Variants in THSD7B observed in about 807,000 individuals in gnomAD.
THSD7B encodes the protein thrombospondin type 1 domain containing 7B.
A neutral mutation model predicts 213.6 loss-of-function variants in THSD7B; 138 were observed. The observed-to-expected ratio is 0.65, with a 90% CI of 0.56 to 0.74. The LOEUF (loss-of-function observed/expected upper bound fraction) is 0.74, where lower values mean the gene tolerates loss of function less well. Ranked by LOEUF, THSD7B falls within the 30% of genes least tolerant of loss-of-function variation. The pLI is 0.00. For synonymous variants in THSD7B, 742 were observed against 687.0 expected (o/e 1.08, Z -1.25); for missense variants, 1,931 against 1,991.5 (o/e 0.97, Z 0.58).
At chr2:136,951,355 TA>T (rs1330882900) in intron 2 of THSD7B, among the ~76,000 whole-genome samples, 1 of 152,242 alleles carries the variant, frequency 6.6e-6, no homozygotes, top group Non-Finnish European at 1.5e-5. Context: ...AAATGTCCTG[TA>T]AATTTGCTTA....
At chr2:136,800,191 G>A (rs1049241773) in intron 1 of THSD7B, among the ~76,000 whole-genome samples, 3 of 151,924 alleles carry the variant, frequency 2.0e-5, no homozygotes, top group South Asian at 2.1e-4. Context: ...TACAGAGGAT[G>A]TACTTTAAAT....
chr2:137,660,439 TTCAAGTAC>T (rs1419503363), intron 25 of THSD7B, among the ~76,000 whole-genome samples: 2 of 152,180 alleles, frequency 1.3e-5, no homozygotes, highest in Non-Finnish European at 2.9e-5. Context: ...TTAAAAATAA[TTCAAGTAC>T]TCAGTCCTAT....
At chr2:137,069,794 A>G (rs1687446521) in intron 3 of THSD7B, among the ~76,000 whole-genome samples, 1 of 151,640 alleles carries the variant, frequency 6.6e-6, no homozygotes, top group Non-Finnish European at 1.5e-5. Context: ...TGTTCTTTGA[A>G]AGTAGTAGAA....
At chr2:137,497,664 A>C (rs1300153958) in intron 15 of THSD7B, among the ~76,000 whole-genome samples, 1 of 152,052 alleles carries the variant, frequency 6.6e-6, no homozygotes, top group African/African-American at 2.4e-5. Context: ...TTCCTCTCGC[A>C]TATGGATAAA....
chr2:137,268,482 T>C (rs922481283), intron 10 of THSD7B, among the ~76,000 whole-genome samples: 1 of 152,174 alleles, frequency 6.6e-6, no homozygotes, highest in Non-Finnish European at 1.5e-5. Flanking sequence ...CTTGATGATA[T>C]GCTCAACAAG....
At chr2:137,543,113 T>G (rs1477078647) in intron 15 of THSD7B, among the ~76,000 whole-genome samples, 2 of 151,800 alleles carry the variant, frequency 1.3e-5, no homozygotes, top group East Asian at 3.9e-4. Flanking sequence ...TGTGGCCAGA[T>G]TATTCTAATC....
At chr2:137,584,278 C>T (rs934989169) in intron 17 of THSD7B, among the ~76,000 whole-genome samples, 10 of 152,164 alleles carry the variant, frequency 6.6e-5, no homozygotes, top group African/African-American at 2.2e-4. Context: ...ATCATGTCAT[C>T]TGCAAACAGG....
At chr2:137,492,595 G>C (rs1679443978) in intron 15 of THSD7B, among the ~76,000 whole-genome samples, 1 of 152,148 alleles carries the variant, frequency 6.6e-6, no homozygotes, top group South Asian at 2.1e-4. Context: ...AAAAGAGCTT[G>C]AGCTTTAGAA....
At chr2:137,597,455 CA>C (rs139548698) in intron 17 of THSD7B, among the ~76,000 whole-genome samples, 5 of 136,976 alleles carry the variant, frequency 3.7e-5, no homozygotes, top group African/African-American at 1.1e-4. Context: ...AAAACAAAAC[CA>C]AAAAAAAACC....
intron 15 of THSD7B, among the ~76,000 whole-genome samples, chr2:137,556,222 C>T (rs1400163382): frequency 2.0e-5 from 3 of 152,182 alleles, no homozygotes; most frequent in Non-Finnish European, 4.4e-5. Flanking sequence ...AGAAGAGCAA[C>T]TCCCAGACAC....
At position 137,395,599 on chromosome 2, in the gene THSD7B, T is replaced by A. The variant is rs371084013; in HGVS notation, c.2501-10014T>A. ...ATTGAGGATTTTTGCATCAATGTTC[T>A]TCAAGGATATTGGTCTAAAATTCTC... On this transcript the variant is annotated intron_variant, in intron 12 of 27. Transcript: ENST00000409968. Among the ~76,000 whole-genome samples, 8 of 152,282 alleles carry A rather than the reference T, an allele frequency of 5.3e-5. No homozygotes were observed. The East Asian group carries it at 5.8e-4, about 11-fold the overall frequency.
Position 137,645,854 on chromosome 2 carries a change from A to T in THSD7B, c.3945+3221A>T, listed in dbSNP as rs2104865649. Among the ~76,000 whole-genome samples the T allele has an allele frequency of 2.0e-5, 3 of 152,286 alleles. No homozygotes were observed. The Middle Eastern group carries it at 0.01, about 518-fold the overall frequency. ...TAGACAATTCTGCAATGAATCTATC[A>T]TATGGAATAATAAGTTATAAGTGAG... is the stretch of plus-strand genomic sequence containing the variant. On this transcript the variant is annotated intron_variant, in intron 21 of 27. Transcript: ENST00000409968.
intron 2 of THSD7B, among the ~76,000 whole-genome samples, chr2:136,937,382 C>T (rs1323901425): frequency 6.6e-6 from 1 of 152,010 alleles, no homozygotes; most frequent in Admixed American, 6.6e-5. Context: ...CTATCAAACC[C>T]CATCTTTTAT....
intron 1 of THSD7B, among the ~76,000 whole-genome samples, chr2:136,835,000 G>A (rs1176827908): frequency 3.3e-5 from 5 of 152,052 alleles, no homozygotes; most frequent in African/African-American, 9.7e-5. Context: ...TTACAAAGAC[G>A]AATTGGCTTG....
chr2:137,543,676 C>T (rs1039192630), intron 15 of THSD7B, among the ~76,000 whole-genome samples: 3 of 151,750 alleles, frequency 2.0e-5, no homozygotes, highest in African/African-American at 7.3e-5. Flanking sequence ...AGTGTGAAGG[C>T]AATCCACAGA....
At chr2:137,343,150 TG>T (rs1399703875) in intron 12 of THSD7B, among the ~76,000 whole-genome samples, 3 of 151,484 alleles carry the variant, frequency 2.0e-5, no homozygotes, top group Admixed American at 6.6e-5. Context: ...AAGAGTTTTG[TG>T]TTTTTTTGTT....
At chr2:137,557,412 G>A (rs1370924093) in intron 15 of THSD7B, among the ~76,000 whole-genome samples, 2 of 152,060 alleles carry the variant, frequency 1.3e-5, no homozygotes, top group East Asian at 1.9e-4. Context: ...TCAACTACAT[G>A]GATACTGAAC....
chr2:137,291,514 T>C (rs1209975426), intron 12 of THSD7B, among the ~76,000 whole-genome samples: 10 of 152,048 alleles, frequency 6.6e-5, no homozygotes, highest in Non-Finnish European at 1.5e-4. Flanking sequence ...TTGGCAAAAA[T>C]ACAATGAACA....
At chr2:137,126,101 T>G (rs1309413574) in intron 5 of THSD7B, among the ~76,000 whole-genome samples, 5 of 152,126 alleles carry the variant, frequency 3.3e-5, no homozygotes, top group Non-Finnish European at 7.4e-5. Context: ...GATCCTAGGA[T>G]TTTTTGGAAT....
Sources: gnomAD v4.1 joint callset for allele counts (sites outside exome capture counted in the v4.1 genomes callset) on GRCh38, gnomAD v4.1.1 for gene constraint, MANE v1.5 for transcripts, NCBI Gene and HGNC (gene_info 2026-07-23, HGNC 2026-07-21) for gene names.